The following CEP57 variants were observed in gnomAD, a reference collection of about 807,000 sequenced individuals.
The protein encoded by CEP57 is centrosomal protein 57, also known as centrosomal protein of 57 kDa.
A neutral mutation model predicts 68.0 loss-of-function variants in CEP57; 40 were observed. That is an observed-to-expected ratio of 0.59 (90% CI 0.46 to 0.77). The LOEUF is 0.77. Among genes scored for constraint, CEP57 ranks in the 30% least tolerant of loss-of-function variants. The pLI is 0.00. For synonymous variants in CEP57, 219 were observed against 198.7 expected, an observed-to-expected ratio of 1.10 and a Z score of -0.86; for missense variants, 606 against 580.7, an observed-to-expected ratio of 1.04 and a Z score of -0.45.
chr11:95,819,137 A>G (rs182738434), intron 6 of CEP57, among the ~76,000 whole-genome samples: 247 of 152,290 alleles, frequency 1.6e-3, no homozygotes, highest in Non-Finnish European at 3.1e-3. Context: ...CAGCATTTTA[A>G]AAAATAACAG....
At chr11:95,790,846 T>C in intron 1 of CEP57, 103 bp downstream of exon 1, 1 of 1,388,366 alleles carries the variant, frequency 7.2e-7, no homozygotes, top group East Asian at 2.4e-5. Flanking sequence ...GACGCAATTC[T>C]GGAGGTCGGC....
At chr11:95,800,748 G>A (rs117517413) in intron 2 of CEP57, among the ~76,000 whole-genome samples, 2,623 of 151,698 alleles carry the variant, frequency 0.017, 38 homozygotes, top group South Asian at 0.065. Context: ...TAACCACAGC[G>A]GGAGAAAATT....
intron 4 of CEP57, among the ~76,000 whole-genome samples, chr11:95,813,978 C>T (rs1591067279): frequency 6.6e-6 from 1 of 152,210 alleles, no homozygotes; most frequent in African/African-American, 2.4e-5. Context: ...TGCTTTCTTA[C>T]ACCAGAGATC....
intron 8 of CEP57, chr11:95,825,767 T>C (rs1310505360): frequency 6.6e-6 from 1 of 151,980 alleles, no homozygotes; most frequent in Non-Finnish European, 1.5e-5. Context: ...GGCTAATTTT[T>C]GTATTTTTTT....
intron 6 of CEP57, among the ~76,000 whole-genome samples, chr11:95,819,545 A>G (rs1401022102): frequency 1.3e-5 from 2 of 152,336 alleles, no homozygotes; most frequent in African/African-American, 4.8e-5. Flanking sequence ...CAGTAAAATA[A>G]AATTTTCATG....
intron 2 of CEP57, among the ~76,000 whole-genome samples, chr11:95,805,489 C>T (rs1166768168): frequency 6.6e-6 from 1 of 152,078 alleles, no homozygotes; most frequent in Non-Finnish European, 1.5e-5. Context: ...CTATTTGAGA[C>T]CTGTAATATC....
chr11:95,829,085 C>A, intron 9 of CEP57, 102 bp from the exon 10 acceptor site: 2 of 1,234,412 alleles, frequency 1.6e-6, no homozygotes, highest in Non-Finnish European at 2.3e-6. Context: ...AAAATGGAGT[C>A]ATTTTTTAAA....
At chr11:95,800,490 G>C (rs1325565598) in intron 2 of CEP57, among the ~76,000 whole-genome samples, 1 of 151,978 alleles carries the variant, frequency 6.6e-6, no homozygotes, top group Admixed American at 6.6e-5. Flanking sequence ...CCGCCTCCTG[G>C]ATTCAAGCTA....
At chr11:95,823,947 A>G in intron 8 of CEP57, among the ~76,000 whole-genome samples, 1 of 152,118 alleles carries the variant, frequency 6.6e-6, no homozygotes, top group African/African-American at 2.4e-5. Context: ...AGTGCTCCCA[A>G]GAAGCAGACA....
rs1590960094 is a variant in CEP57 at position 95,829,224 on chromosome 11, C to T, written c.1165C>T (p.Pro389Ser). The change falls in exon 10 of 11, where the codon CCA becomes TCA. Residue 389 changes from proline to serine, a missense_variant. By Grantham distance (74) the Pro-to-Ser change is moderately conservative (BLOSUM62 -1). Transcript: ENST00000325542. Reference sequence around the variant, plus strand: ...GCTTGCAAAACTTATCCAGGAGTCGCCAACCGTTGAACTGAAAGACAAGTT... The same window carrying T: ...GCTTGCAAAACTTATCCAGGAGTCGTCAACCGTTGAACTGAAAGACAAGTT... ...QQLAKLIQES[P>S]TVELKDKLEC... The T allele has an allele frequency of 7.4e-6, 12 of 1,613,864 alleles. No homozygotes were observed. The highest frequency in any genetic ancestry group is 1.0e-5 in the Non-Finnish European group (12 of 1,179,968).
chr11:95,812,085 A>G (rs928615919), intron 2 of CEP57, among the ~76,000 whole-genome samples: 1 of 152,208 alleles, frequency 6.6e-6, no homozygotes, highest in Non-Finnish European at 1.5e-5. Flanking sequence ...ACTGCAGTCA[A>G]CATAATTTTA....
At chr11:95,798,405 G>A (rs575412024) in intron 1 of CEP57, among the ~76,000 whole-genome samples, 10 of 152,070 alleles carry the variant, frequency 6.6e-5, no homozygotes, top group Admixed American at 5.2e-4. Flanking sequence ...TTATGAACAC[G>A]GATTATTCTG....
chr11:95,822,243 T>A (rs1054397171), intron 7 of CEP57: 1 of 576,732 alleles, frequency 1.7e-6, no homozygotes, highest in African/African-American at 1.9e-5. Flanking sequence ...CTTACAATGT[T>A]TTGTGTATAT....
intron 8 of CEP57, chr11:95,827,484 C>A: frequency 2.9e-6 from 1 of 339,542 alleles, no homozygotes; most frequent in South Asian, 3.3e-5. Flanking sequence ...AAAAAAATGT[C>A]ATCTGCAAAT....
chr11:95,806,031 G>A (rs1861783873), intron 2 of CEP57, among the ~76,000 whole-genome samples: 1 of 152,012 alleles, frequency 6.6e-6, no homozygotes, highest in Admixed American at 6.6e-5. Flanking sequence ...AAACATGATG[G>A]GAGGAAACAC....
rs75431250 is a variant in CEP57, at chr11:95,790,669, A to G, written c.-30A>G. On this transcript the variant is annotated 5_prime_UTR_variant, in exon 1 of 11. Transcript: ENST00000325542. ...GCACGAGAACCTAGACCGCCCCCGAAGTGCGGAGACCCCCTGGGCAGGCTG... is the reference window on the plus strand; with the variant it reads ...GCACGAGAACCTAGACCGCCCCCGAGGTGCGGAGACCCCCTGGGCAGGCTG... 2 of 1,612,522 alleles carry G rather than the reference A, an allele frequency of 1.2e-6. No individual in the cohort carries two copies. The highest frequency in any genetic ancestry group is 1.7e-6 in the Non-Finnish European group (2 of 1,179,402).
Position 95,827,532 on chromosome 11 carries a change from T to C in CEP57, c.886-254T>C, listed in dbSNP as rs1462468583. On this transcript the variant is annotated intron_variant, in intron 8 of 10. Coordinates refer to ENST00000325542, the MANE Select transcript of CEP57 (RefSeq NM_014679.5). ...CAAAATGGAGAGAAGGGGAGGATGA[T>C]AGGACATGAGGCTAGGAAATGTAGG... 1.4e-5 allele frequency: 6 copies of C among 440,248 alleles called. No homozygotes were observed. In the East Asian group the frequency reaches 1.6e-4, roughly 12 times the overall value. 27.3% of individuals were successfully genotyped at this position (440,248 alleles called of 1,614,324 possible). A position where few individuals can be genotyped will look rare whatever the true frequency, so the allele number is the denominator to read the frequency against.
chr11:95,796,489 T>C (rs1861354838), intron 1 of CEP57, among the ~76,000 whole-genome samples: 1 of 152,232 alleles, frequency 6.6e-6, no homozygotes, highest in Non-Finnish European at 1.5e-5. Flanking sequence ...CTTTTGGTGA[T>C]CTCTTAAAGG....
At chr11:95,822,469 T>C in intron 7 of CEP57, 30 bp from the exon 8 acceptor site, 2 of 1,545,666 alleles carry the variant, frequency 1.3e-6, no homozygotes, top group South Asian at 1.1e-5. Flanking sequence ...GTGAATAAAA[T>C]AAAATTGTTT....
Sources: gnomAD v4.1 joint callset for allele counts (sites outside exome capture counted in the v4.1 genomes callset) on GRCh38, gnomAD v4.1.1 for gene constraint, MANE v1.5 for transcripts, NCBI Gene and HGNC (gene_info 2026-07-23, HGNC 2026-07-21) for gene names.